PCGF3: variants seen among roughly 807,000 people sequenced by gnomAD.
PCGF3 encodes polycomb group RING finger protein 3.
PCGF3 carries 7 observed loss-of-function variants against 33.1 expected under a neutral mutation model. The observed-to-expected ratio is 0.21, with a 90% CI of 0.12 to 0.40. The LOEUF is 0.40. PCGF3 is among the 10% of genes least tolerant of loss of function. The pLI is 1.00. For missense variants in PCGF3, 211 were observed against 313.3 expected, an observed-to-expected ratio of 0.67 and a Z score of 2.46; for synonymous variants, 153 against 121.3, an observed-to-expected ratio of 1.26 and a Z score of -1.72.
At chr4:715,934 C>T (rs1742811147) in intron 1 of PCGF3, among the ~76,000 whole-genome samples, 1 of 130,202 alleles carries the variant, frequency 7.7e-6, no homozygotes, top group African/African-American at 2.8e-5. Flanking sequence ...ACCCTGTAGA[C>T]ACTGAGGGTG....
chr4:732,461 GA>G (rs1471729906), intron 3 of PCGF3: 1 of 152,694 alleles, frequency 6.5e-6, no homozygotes, highest in Admixed American at 6.6e-5. Flanking sequence ...GGGAGGAGGA[GA>G]AGGGGAGGAT....
chr4:758,708 T>A (rs78242470), intron 8 of PCGF3, among the ~76,000 whole-genome samples: 1 of 26,126 alleles, frequency 3.8e-5, no homozygotes. Context: ...GTTCTTCTCC[T>A]TCCGGACTCC....
intron 1 of PCGF3, among the ~76,000 whole-genome samples, chr4:712,393 C>T (rs1413663666): frequency 1.3e-5 from 2 of 151,992 alleles, no homozygotes; most frequent in Non-Finnish European, 2.9e-5. Flanking sequence ...TATTGACTTG[C>T]TTTTTTTTAA....
chr4:742,037 CT>C (rs1744114919), intron 6 of PCGF3, among the ~76,000 whole-genome samples: 4 of 152,144 alleles, frequency 2.6e-5, no homozygotes, highest in Admixed American at 2.6e-4. Flanking sequence ...CCAGGCTAAT[CT>C]TTCAGCATTT....
chr4:715,081 C>T (rs1232317407), intron 1 of PCGF3, among the ~76,000 whole-genome samples: 1 of 140,442 alleles, frequency 7.1e-6, no homozygotes, highest in African/African-American at 2.7e-5. Context: ...AACTGGGCGT[C>T]GGTGCTGGGA....
intron 2 of PCGF3, 52 bp from the exon 3 acceptor site, chr4:730,918 A>C (rs1357517467): frequency 5.0e-6 from 2 of 397,794 alleles, no homozygotes. Context: ...GAGTTGTGGC[A>C]GTCACACATC....
chr4:748,303 G>A (rs1744359956), intron 8 of PCGF3, among the ~76,000 whole-genome samples: 1 of 151,788 alleles, frequency 6.6e-6, no homozygotes, highest in Non-Finnish European at 1.5e-5. Flanking sequence ...GGGTTCAAGC[G>A]ATTCTCCTGC....
chr4:764,433 T>C (rs899392), intron 9 of PCGF3: 104,388 of 150,840 alleles, frequency 0.69, 36,201 homozygotes, highest in Middle Eastern at 0.84. Context: ...TGGTGTGGAC[T>C]GGGCCTGGGT....
chr4:760,030 C>CT (rs1377692942), intron 8 of PCGF3, among the ~76,000 whole-genome samples: 1 of 152,244 alleles, frequency 6.6e-6, no homozygotes, highest in Non-Finnish European at 1.5e-5. Context: ...GTGATGCTTG[C>CT]AGGCGGCCTC....
intron 1 of PCGF3, among the ~76,000 whole-genome samples, chr4:715,122 GTGTCGGTGCTGGGACCCTGTAGA>G: frequency 6.7e-6 from 1 of 149,284 alleles, no homozygotes; most frequent in Non-Finnish European, 1.5e-5. Context: ...TGAGAACTGG[GTGTCGGTGCTGGGACCCTGTAGA>G]CACTGAGTGT....
chr4:743,390 TTTTC>T, intron 6 of PCGF3, 80 bp from the exon 7 acceptor site: 1 of 779,750 alleles, frequency 1.3e-6, no homozygotes, highest in Non-Finnish European at 2.2e-6. Context: ...AAATCCCTAA[TTTTC>T]TTTATGTGAT....
At chr4:735,363 G>A (rs546689941) in intron 5 of PCGF3, among the ~76,000 whole-genome samples, 3 of 152,254 alleles carry the variant, frequency 2.0e-5, no homozygotes, top group Admixed American at 6.5e-5. Flanking sequence ...CCTGACCAAC[G>A]TGGAGAAACC....
At chr4:751,152 G>T (rs1744493978) in intron 8 of PCGF3, among the ~76,000 whole-genome samples, 1 of 152,046 alleles carries the variant, frequency 6.6e-6, no homozygotes, top group Non-Finnish European at 1.5e-5. Flanking sequence ...TCTTCTTGTG[G>T]CTGCCCTTAA....
chr4:707,442 G>A (rs180741199), intron 1 of PCGF3, among the ~76,000 whole-genome samples: 9 of 152,196 alleles, frequency 5.9e-5, no homozygotes, highest in South Asian at 2.1e-4. Context: ...AGACTGCCCC[G>A]TCTCCCCCGG....
chr4:738,317 CCTA>C (rs1473145538), intron 6 of PCGF3, among the ~76,000 whole-genome samples: 3 of 152,368 alleles, frequency 2.0e-5, no homozygotes, highest in African/African-American at 4.8e-5. Context: ...AGGCTTCTTC[CCTA>C]CTCACAGAGT....
At chr4:728,570 G>A (rs942267057) in intron 1 of PCGF3, among the ~76,000 whole-genome samples, 61 of 152,336 alleles carry the variant, frequency 4.0e-4, no homozygotes, top group African/African-American at 1.3e-3. Flanking sequence ...TATCAGCGGC[G>A]TCCTGGAACT....
chr4:741,131 A>C (rs1206859824), intron 6 of PCGF3, among the ~76,000 whole-genome samples: 1 of 152,266 alleles, frequency 6.6e-6, no homozygotes, highest in Non-Finnish European at 1.5e-5. Flanking sequence ...ACTCAACACC[A>C]GCAATATCCC....
At chr4:706,960 G>A (rs1407045932) in intron 1 of PCGF3, among the ~76,000 whole-genome samples, 2 of 149,500 alleles carry the variant, frequency 1.3e-5, no homozygotes, top group Admixed American at 1.3e-4. Context: ...AGGACCGCGG[G>A]AGGGTAGGGA....
intron 8 of PCGF3, among the ~76,000 whole-genome samples, chr4:758,505 G>T (rs1253285113): frequency 8.1e-6 from 1 of 123,888 alleles, no homozygotes; most frequent in Admixed American, 8.0e-5. Context: ...TTCTCGCTCC[G>T]GACTCTGGGT....
Sources: gnomAD v4.1 joint callset for allele counts (sites outside exome capture counted in the v4.1 genomes callset) on GRCh38, gnomAD v4.1.1 for gene constraint, MANE v1.5 for transcripts, NCBI Gene and HGNC (gene_info 2026-07-23, HGNC 2026-07-21) for gene names.